SGCZ: variants seen among roughly 807,000 people sequenced by gnomAD.
The protein encoded by SGCZ is zeta-sarcoglycan.
Under a neutral mutation model 41.3 loss-of-function variants are expected in SGCZ, and 40 were observed. The ratio of observed to expected loss-of-function variants is 0.97; its 90% CI spans 0.75 to 1.26. SGCZ has a LOEUF of 1.26. Ranked by LOEUF, SGCZ falls within the 50% of genes most tolerant of loss-of-function variation. SGCZ has a pLI of 0.00. For missense variants in SGCZ, 552 were observed against 369.8 expected, an observed-to-expected ratio of 1.49 and a Z score of -4.04; for synonymous variants, 206 against 137.5, an observed-to-expected ratio of 1.50 and a Z score of -3.49.
At chr8:15,030,039 G>A (rs1301601693) in intron 1 of SGCZ, among the ~76,000 whole-genome samples, 4 of 152,284 alleles carry the variant, frequency 2.6e-5, no homozygotes, top group African/African-American at 9.6e-5. Context: ...AAAGATGAAA[G>A]CTGTTGTCAG....
chr8:14,368,855 G>C (rs1803810926), intron 2 of SGCZ, among the ~76,000 whole-genome samples: 1 of 151,630 alleles, frequency 6.6e-6, no homozygotes, highest in South Asian at 2.1e-4. Context: ...ACATATACTT[G>C]TTGCAAGAGG....
At chr8:14,939,370 T>C (rs1360354724) in intron 1 of SGCZ, among the ~76,000 whole-genome samples, 1 of 152,092 alleles carries the variant, frequency 6.6e-6, no homozygotes, top group African/African-American at 2.4e-5. Flanking sequence ...CTTCAAAACA[T>C]GGTCAGGATT....
intron 1 of SGCZ, among the ~76,000 whole-genome samples, chr8:15,226,478 T>G (rs142448236): frequency 6.9e-4 from 105 of 152,332 alleles, no homozygotes; most frequent in Middle Eastern, 3.4e-3. Flanking sequence ...TTAGTCATCA[T>G]CAGCAGCAGC....
intron 1 of SGCZ, among the ~76,000 whole-genome samples, chr8:15,127,895 AC>A (rs1302642788): frequency 6.6e-6 from 1 of 152,202 alleles, no homozygotes; most frequent in Admixed American, 6.5e-5. Context: ...ATCCTTTAAT[AC>A]AGCTATTTAT....
At chr8:15,085,801 G>T (rs1314221589) in intron 1 of SGCZ, among the ~76,000 whole-genome samples, 1 of 151,968 alleles carries the variant, frequency 6.6e-6, no homozygotes, top group African/African-American at 2.4e-5. Context: ...TCTACATTTT[G>T]CCAAGTCAAC....
intron 1 of SGCZ, among the ~76,000 whole-genome samples, chr8:14,929,478 G>A (rs915551620): frequency 6.6e-6 from 1 of 150,818 alleles, no homozygotes; most frequent in East Asian, 1.9e-4. Context: ...GGAAATAAAT[G>A]TCCTATAGAC....
chr8:15,226,191 C>T (rs1801767174), intron 1 of SGCZ, among the ~76,000 whole-genome samples: 1 of 152,134 alleles, frequency 6.6e-6, no homozygotes, highest in Admixed American at 6.5e-5. Context: ...ACCTACCTAC[C>T]TCCCTACTTA....
At chr8:14,699,966 G>C (rs573514100) in intron 1 of SGCZ, among the ~76,000 whole-genome samples, 1 of 151,942 alleles carries the variant, frequency 6.6e-6, no homozygotes, top group Admixed American at 6.6e-5. Flanking sequence ...AGATGTTGGC[G>C]AGGTTGCAGA....
At chr8:14,651,463 A>G (rs892046451) in intron 1 of SGCZ, among the ~76,000 whole-genome samples, 2 of 152,116 alleles carry the variant, frequency 1.3e-5, no homozygotes, top group African/African-American at 4.8e-5. Context: ...TTCCCCAAAC[A>G]ATAGACAGTG....
rs151049715 is a variant in SGCZ, at chr8:14,571,305, G to A, written c.40-16379C>T. On this transcript the variant is annotated intron_variant, in intron 1 of 7. Coordinates refer to ENST00000382080, the MANE Select transcript of SGCZ (RefSeq NM_139167.4). ...CCTCGGCACAAGAGGAGTACAGTTT[G>A]AGAAGAGATTTGGGTGGGGACACAG... is the stretch of plus-strand genomic sequence containing the variant. 4.4e-3 allele frequency among the ~76,000 whole-genome samples: 677 copies of A among 152,312 alleles called. 7 individuals carry two copies. Among genetic ancestry groups the A allele is most frequent in the African/African-American group, 0.015 (644 of 41,568 alleles).
intron 4 of SGCZ, among the ~76,000 whole-genome samples, chr8:14,178,600 G>A (rs1012825140): frequency 2.6e-5 from 4 of 152,192 alleles, no homozygotes; most frequent in Non-Finnish European, 4.4e-5. Flanking sequence ...TATTGGTTAA[G>A]TGAGAACAGC....
At chr8:14,807,434 G>T (rs907699195) in intron 1 of SGCZ, among the ~76,000 whole-genome samples, 2 of 151,926 alleles carry the variant, frequency 1.3e-5, no homozygotes, top group Non-Finnish European at 2.9e-5. Flanking sequence ...TATACACCAA[G>T]AGCAGACAAA....
chr8:15,015,284 T>G (rs1343526966), intron 1 of SGCZ, among the ~76,000 whole-genome samples: 3 of 151,884 alleles, frequency 2.0e-5, no homozygotes, highest in East Asian at 1.9e-4. Flanking sequence ...GATAAAGTGT[T>G]TATAATTAGA....
chr8:14,467,295 C>A (rs886707780), intron 2 of SGCZ, among the ~76,000 whole-genome samples: 1 of 152,076 alleles, frequency 6.6e-6, no homozygotes, highest in Non-Finnish European at 1.5e-5. Context: ...GGCACTGGCC[C>A]TTTTAATTCC....
intron 1 of SGCZ, among the ~76,000 whole-genome samples, chr8:14,908,762 A>AAAG (rs1554520075): frequency 1.5e-4 from 22 of 150,706 alleles, no homozygotes; most frequent in Admixed American, 4.0e-4. Context: ...AAAAAAAAAA[A>AAAG]AGAGAGAGAG....
At chr8:14,097,605 TC>T (rs544222423) in intron 7 of SGCZ, among the ~76,000 whole-genome samples, 767 of 152,284 alleles carry the variant, frequency 5.0e-3, no homozygotes, top group Non-Finnish European at 5.2e-3. Flanking sequence ...TTCTTAGGTC[TC>T]CTTTGTCCAG....
rs1487526929 is a variant in SGCZ at position 15,097,854 on chromosome 8, A to G, written c.39+139731T>C. On this transcript the variant is annotated intron_variant, in intron 1 of 7. Coordinates refer to ENST00000382080, the MANE Select transcript of SGCZ (RefSeq NM_139167.4). ...TATATACGTGTGTGTATATATATAT[A>G]TACGTGTGTGTGTATATATATATAT... Among the ~76,000 whole-genome samples, 13 of 7,410 alleles carry G rather than the reference A, an allele frequency of 1.8e-3. 1 individual carries two copies. The highest frequency in any genetic ancestry group is 3.2e-3 in the African/African-American group (12 of 3,746). The allele number at this position is 7,410 out of a possible 152,430, so 4.9% of individuals were successfully genotyped here.
At chr8:14,750,607 T>C (rs940439461) in intron 1 of SGCZ, among the ~76,000 whole-genome samples, 1 of 152,132 alleles carries the variant, frequency 6.6e-6, no homozygotes, top group Non-Finnish European at 1.5e-5. Flanking sequence ...GGTGTTTTTT[T>C]AAAGCCTTTA....
At chr8:14,658,937 AAG>A (rs1185071220) in intron 1 of SGCZ, among the ~76,000 whole-genome samples, 1 of 152,072 alleles carries the variant, frequency 6.6e-6, no homozygotes, top group African/African-American at 2.4e-5. Flanking sequence ...AGGAAGGAAA[AAG>A]AGACGAAAAA....
Sources: gnomAD v4.1 joint callset for allele counts (sites outside exome capture counted in the v4.1 genomes callset) on GRCh38, gnomAD v4.1.1 for gene constraint, MANE v1.5 for transcripts, NCBI Gene and HGNC (gene_info 2026-07-23, HGNC 2026-07-21) for gene names.